The following UGT3A1 variants were observed in gnomAD, a reference collection of about 807,000 sequenced individuals.
UGT3A1 encodes UDP-glycosyltransferase 3A1.
In UGT3A1, 40 loss-of-function variants were observed where a neutral mutation model predicts 37.6. That is an observed-to-expected ratio of 1.06 (90% CI 0.83 to 1.38). UGT3A1 has a LOEUF of 1.38. Ranked by LOEUF, UGT3A1 falls within the 40% of genes most tolerant of loss-of-function variation. UGT3A1 has a pLI of 0.00. For missense variants in UGT3A1, 642 were observed against 634.2 expected (o/e 1.01, Z -0.13); for synonymous variants, 256 against 232.3 (o/e 1.10, Z -0.93).
chr5:35,984,638 C>A (rs1024124849), intron 2 of UGT3A1, among the ~76,000 whole-genome samples: 18 of 151,944 alleles, frequency 1.2e-4, no homozygotes, highest in African/African-American at 4.3e-4. Context: ...ACACCCAGCT[C>A]ATTTTTGTAT....
chr5:35,968,434 T>G (rs1438953234), intron 2 of UGT3A1, among the ~76,000 whole-genome samples: 1 of 152,214 alleles, frequency 6.6e-6, no homozygotes. Context: ...CAGAAACTAA[T>G]GCAGTGTGAG....
chr5:35,977,404 G>T (rs1475282721), intron 2 of UGT3A1, among the ~76,000 whole-genome samples: 2 of 152,192 alleles, frequency 1.3e-5, no homozygotes, highest in Non-Finnish European at 2.9e-5. Context: ...ATTGAAATGT[G>T]ACCTCCAAAG....
intron 1 of UGT3A1, among the ~76,000 whole-genome samples, chr5:35,990,307 C>CA (rs1740891570): frequency 6.6e-6 from 1 of 152,054 alleles, no homozygotes; most frequent in Non-Finnish European, 1.5e-5. Context: ...TCCGTGGTTC[C>CA]TTCCAGCTCT....
At chr5:35,958,156 A>C (rs1262854509) in intron 4 of UGT3A1, among the ~76,000 whole-genome samples, 1 of 152,196 alleles carries the variant, frequency 6.6e-6, no homozygotes, top group Non-Finnish European at 1.5e-5. Flanking sequence ...ATGCAAACAT[A>C]AAATTTTATA....
intron 2 of UGT3A1, 49 bp from the exon 3 acceptor site, chr5:35,968,182 G>A (rs1739893218): frequency 9.1e-7 from 1 of 1,096,514 alleles, no homozygotes; most frequent in Non-Finnish European, 1.4e-6. Context: ...ATACAACATG[G>A]ATTAACATTA....
intron 4 of UGT3A1, among the ~76,000 whole-genome samples, chr5:35,957,987 C>T (rs1021739789): frequency 5.3e-5 from 8 of 152,158 alleles, no homozygotes; most frequent in Admixed American, 2.0e-4. Context: ...CAAGCTATTG[C>T]TGTAGTAATG....
intron 6 of UGT3A1, chr5:35,955,343 C>T (rs1388083114): frequency 1.6e-5 from 9 of 553,752 alleles, no homozygotes; most frequent in South Asian, 1.5e-4. Context: ...CACAAAGAAA[C>T]CCCCCGCTTC....
chr5:35,964,894 C>G (rs1468832172), intron 4 of UGT3A1, among the ~76,000 whole-genome samples: 1 of 152,166 alleles, frequency 6.6e-6, no homozygotes, highest in Non-Finnish European at 1.5e-5. Flanking sequence ...TAGGTGGAAC[C>G]AGGAGCCAGG....
chr5:35,957,083 AGCT>A, intron 5 of UGT3A1, 102 bp downstream of exon 5: 1 of 854,828 alleles, frequency 1.2e-6, no homozygotes, highest in East Asian at 2.5e-5. Context: ...ACCTATGAGT[AGCT>A]ACTACGTAGG....
At chr5:35,962,970 G>C (rs1739650992) in intron 4 of UGT3A1, 1 of 702,346 alleles carries the variant, frequency 1.4e-6, no homozygotes, top group Non-Finnish European at 2.6e-6. Flanking sequence ...CAGGGAAATA[G>C]AGGTGTCCCT....
chr5:36,000,539 T>C (rs1269019993), intron 1 of UGT3A1, among the ~76,000 whole-genome samples: 1 of 152,194 alleles, frequency 6.6e-6, no homozygotes, highest in Non-Finnish European at 1.5e-5. Context: ...ATCTCTCATC[T>C]TAGAAAGGCA....
chr5:35,974,722 A>G (rs1343751679), intron 2 of UGT3A1, among the ~76,000 whole-genome samples: 1 of 152,118 alleles, frequency 6.6e-6, no homozygotes, highest in Non-Finnish European at 1.5e-5. Flanking sequence ...GATCTGGCAA[A>G]TTTTTCTTGA....
At position 35,952,501 on chromosome 5, in the gene UGT3A1, A is replaced by T. The variant is rs969227965; in HGVS notation, c.*1701T>A. 3 of 152,178 alleles carry T rather than the reference A, an allele frequency of 2.0e-5. No homozygotes were observed. The highest frequency in any genetic ancestry group is 1.3e-4 in the Admixed American group (2 of 15,272). The allele number at this position is 152,178 out of a possible 1,614,324, so 9.4% of individuals were successfully genotyped here. A position where few individuals can be genotyped will look rare whatever the true frequency, so the allele number is the denominator to read the frequency against. On this transcript the variant is annotated 3_prime_UTR_variant, in exon 7 of 7. Transcript: ENST00000274278. The stretch of plus-strand genomic sequence containing the variant: ...GGCTGCTTATGATCAGATTTTAGGG[A>T]TGCAAGTTTATACAAGTGGCATAAA...
intron 1 of UGT3A1, 34 bp downstream of exon 1, chr5:35,991,113 C>T (rs1367207807): frequency 3.1e-6 from 5 of 1,614,112 alleles, no homozygotes; most frequent in Middle Eastern, 1.6e-4. Flanking sequence ...ATCCGGGACG[C>T]GCCTGTCTGG....
intron 1 of UGT3A1, among the ~76,000 whole-genome samples, chr5:35,998,783 A>G (rs1449873817): frequency 6.6e-6 from 1 of 152,176 alleles, no homozygotes; most frequent in African/African-American, 2.4e-5. Context: ...GATCAGCTCA[A>G]GTGGAGTTGC....
chr5:35,968,120 C>A lies in UGT3A1; in HGVS notation c.210G>T (p.Glu70Asp). The A allele has an allele frequency of 1.9e-6, 3 of 1,610,942 alleles. No individual in the cohort carries two copies. In the South Asian group the frequency reaches 3.3e-5, roughly 18 times the overall value. The change falls in exon 3 of 7, where the codon GAG (glutamate) becomes GAT (aspartate). Residue 70 changes from glutamate to aspartate, a missense_variant. Glu to Asp is a conservative substitution (Grantham distance 45, BLOSUM62 2). Transcript: ENST00000274278. ...GKFLIPDIKE[E>D]EKSYQVIRWF... ...ACCTGATAACTTGGTATGATTTTTC[C>A]TCCTCTTTAATATCTAAGAAAACAC...
At chr5:35,967,169 A>C (rs1382861275) in intron 3 of UGT3A1, among the ~76,000 whole-genome samples, 1 of 152,222 alleles carries the variant, frequency 6.6e-6, no homozygotes, top group African/African-American at 2.4e-5. Context: ...ATATACTTTA[A>C]AAATATGTAA....
chr5:35,994,793 A>C (rs2111581124), upstream of UGT3A1, among the ~76,000 whole-genome samples: 1 of 152,282 alleles, frequency 6.6e-6, no homozygotes, highest in South Asian at 2.1e-4. Context: ...AGGAACTCTA[A>C]GTTATGGGGA....
intron 3 of UGT3A1, among the ~76,000 whole-genome samples, 162 bp downstream of exon 3, chr5:35,967,857 A>G (rs1447268631): frequency 2.0e-5 from 3 of 152,104 alleles, no homozygotes; most frequent in African/African-American, 7.2e-5. Context: ...CCAACTGTCC[A>G]TCCATCTATC....
Sources: gnomAD v4.1 joint callset for allele counts (sites outside exome capture counted in the v4.1 genomes callset) on GRCh38, gnomAD v4.1.1 for gene constraint, MANE v1.5 for transcripts, NCBI Gene and HGNC (gene_info 2026-07-23, HGNC 2026-07-21) for gene names.